The following TMEM178B variants were observed in gnomAD, a reference collection of about 807,000 sequenced individuals.
The protein encoded by TMEM178B is transmembrane protein 178B.
In TMEM178B, 5 loss-of-function variants were observed where a neutral mutation model predicts 31.0. That is an observed-to-expected ratio of 0.16 (90% CI 0.08 to 0.34). The LOEUF (loss-of-function observed/expected upper bound fraction) is 0.34. TMEM178B is among the 10% of genes least tolerant of loss of function. The pLI, the probability that TMEM178B is intolerant of heterozygous loss-of-function variation, is 1.00. For synonymous variants in TMEM178B, 164 were observed against 164.0 expected, an observed-to-expected ratio of 1.00 and a Z score of 0.00; for missense variants, 275 against 400.3, an observed-to-expected ratio of 0.69 and a Z score of 2.67.
intron 2 of TMEM178B, among the ~76,000 whole-genome samples, chr7:141,293,530 G>T (rs1353984327): frequency 1.3e-5 from 2 of 152,204 alleles, no homozygotes; most frequent in African/African-American, 4.8e-5. Flanking sequence ...GGGGGAAGTG[G>T]AATGGTGGCT....
chr7:141,473,028 G>A lies in TMEM178B; in HGVS notation c.*2242G>A, dbSNP rs1247527036. 1 of 152,194 alleles carries A rather than the reference G, an allele frequency of 6.6e-6. No individual in the cohort carries two copies. The allele number at this position is 152,194 out of a possible 1,614,324, so 9.4% of individuals were successfully genotyped here. On this transcript the variant is annotated 3_prime_UTR_variant, in exon 4 of 4. Coordinates refer to ENST00000565468, the MANE Select transcript of TMEM178B (RefSeq NM_001195278.2). ...CTGTGTGTGGGTGTGCTGGGCGATA[G>A]GGTAAGGTGTGCAACGGGAAAAGTT...
At chr7:141,136,626 G>A (rs1164555313) in intron 1 of TMEM178B, among the ~76,000 whole-genome samples, 2 of 152,134 alleles carry the variant, frequency 1.3e-5, no homozygotes, top group South Asian at 2.1e-4. Flanking sequence ...CAATTAATCA[G>A]CAAGGGATTA....
intron 3 of TMEM178B, among the ~76,000 whole-genome samples, chr7:141,441,303 G>C (rs558432901): frequency 6.6e-6 from 1 of 152,350 alleles, no homozygotes; most frequent in South Asian, 2.1e-4. Context: ...AACCTGGCCA[G>C]TCCCTGCTCT....
rs77922339 is a variant in TMEM178B, at chr7:141,288,598, A to G, written c.496+75894A>G. ...ACATCTTCCTTTTGCATTTGCACCC[A>G]CATTCCTTGACAGTCCCGCTGCCCT... On this transcript the variant is annotated intron_variant, in intron 2 of 3. Coordinates refer to ENST00000565468, the MANE Select transcript of TMEM178B (RefSeq NM_001195278.2). Among the ~76,000 whole-genome samples the G allele has an allele frequency of 1.0e-2, 1,514 of 152,092 alleles. 8 individuals are homozygous for G. The highest frequency in any genetic ancestry group is 0.024 in the Middle Eastern group (7 of 294).
intron 3 of TMEM178B, among the ~76,000 whole-genome samples, chr7:141,460,634 G>A (rs1003175906): frequency 1.3e-5 from 2 of 152,212 alleles, no homozygotes; most frequent in Non-Finnish European, 2.9e-5. Flanking sequence ...AGTCCCTGTA[G>A]TCGCTTGAGT....
At chr7:141,131,541 C>A (rs10242784) in intron 1 of TMEM178B, among the ~76,000 whole-genome samples, 148,132 of 152,292 alleles carry the variant, frequency 0.97, 72,069 homozygotes, top group East Asian at 1. Context: ...TGCCCACTTT[C>A]GGGTTACGTA....
chr7:141,468,862 G>A (rs1460458589), intron 3 of TMEM178B, among the ~76,000 whole-genome samples: 1 of 152,184 alleles, frequency 6.6e-6, no homozygotes. Context: ...AGACCGGCTT[G>A]AGGTGGCGGC....
chr7:141,358,717 G>A (rs561764339), intron 2 of TMEM178B, among the ~76,000 whole-genome samples: 4 of 151,804 alleles, frequency 2.6e-5, no homozygotes, highest in South Asian at 2.1e-4. Flanking sequence ...CTAATAAGTC[G>A]GCAAGCATTC....
At chr7:141,312,916 A>C (rs1247521812) in intron 2 of TMEM178B, among the ~76,000 whole-genome samples, 1 of 152,226 alleles carries the variant, frequency 6.6e-6, no homozygotes, top group Non-Finnish European at 1.5e-5. Flanking sequence ...TTCTTTTAAG[A>C]TAAGCACCTT....
intron 2 of TMEM178B, among the ~76,000 whole-genome samples, chr7:141,258,997 C>T (rs1238569072): frequency 6.6e-6 from 1 of 152,104 alleles, no homozygotes; most frequent in African/African-American, 2.4e-5. Context: ...GTGTTGATTA[C>T]TGGTTTTCAT....
At chr7:141,125,864 A>G (rs1408604284) in intron 1 of TMEM178B, among the ~76,000 whole-genome samples, 1 of 152,186 alleles carries the variant, frequency 6.6e-6, no homozygotes, top group Non-Finnish European at 1.5e-5. Context: ...GAAATTAATA[A>G]GAATGAGCTG....
intron 3 of TMEM178B, among the ~76,000 whole-genome samples, chr7:141,460,371 A>G (rs971294928): frequency 2.0e-5 from 3 of 152,176 alleles, no homozygotes; most frequent in African/African-American, 7.2e-5. Context: ...TTATAAGGAC[A>G]CCTGTCAAAT....
the TMEM178B span, among the ~76,000 whole-genome samples, chr7:141,507,337 G>A: frequency 6.6e-6 from 1 of 152,062 alleles, no homozygotes; most frequent in Non-Finnish European, 1.5e-5. Context: ...GCATCCAGGC[G>A]TTTCCATACA....
At chr7:141,489,952 A>G in the TMEM178B span, among the ~76,000 whole-genome samples, 17,062 of 152,264 alleles carry the variant, frequency 0.11, 2,925 homozygotes, top group African/African-American at 0.37. Flanking sequence ...AGCAAAGCTT[A>G]ATGCTTGCTC....
At chr7:141,510,685 C>CAAAAAAAAAAAA in the TMEM178B span, among the ~76,000 whole-genome samples, 215 of 24,958 alleles carry the variant, frequency 8.6e-3, 36 homozygotes, top group African/African-American at 9.7e-3. Context: ...AACTCCGTCT[C>CAAAAAAAAAAAA]AAAAAAAAAA....
chr7:141,510,703 A>G, the TMEM178B span, among the ~76,000 whole-genome samples: 54 of 143,278 alleles, frequency 3.8e-4, no homozygotes, highest in South Asian at 9.9e-3. Flanking sequence ...AAAAAAAAAA[A>G]AAAAAAAAAG....
intron 2 of TMEM178B, among the ~76,000 whole-genome samples, chr7:141,247,917 C>T (rs947474436): frequency 6.6e-6 from 1 of 152,034 alleles, no homozygotes; most frequent in South Asian, 2.1e-4. Context: ...TAATTGGGGG[C>T]TCTCAGGACC....
At chr7:141,383,622 T>C (rs1280589185) in intron 2 of TMEM178B, among the ~76,000 whole-genome samples, 1 of 152,234 alleles carries the variant, frequency 6.6e-6, no homozygotes, top group African/African-American at 2.4e-5. Flanking sequence ...ATATCATTGA[T>C]GGACATTTGG....
At chr7:141,330,910 A>C (rs77231662) in intron 2 of TMEM178B, among the ~76,000 whole-genome samples, 7,221 of 152,294 alleles carry the variant, frequency 0.047, 274 homozygotes, top group East Asian at 0.17. Flanking sequence ...GAGGTAGTCA[A>C]ATTCTGCCTT....
Sources: allele counts gnomAD v4.1 joint callset (sites outside exome capture counted in the v4.1 genomes callset), GRCh38; gene constraint gnomAD v4.1.1; transcripts MANE v1.5; gene names NCBI Gene and HGNC (gene_info 2026-07-23, HGNC 2026-07-21).